Variants in FER observed in about 807,000 individuals in gnomAD.
FER encodes tyrosine-protein kinase Fer.
FER carries 63 observed loss-of-function variants against 111.0 expected under a neutral mutation model. That is an observed-to-expected ratio of 0.57 (90% CI 0.46 to 0.70). The LOEUF (loss-of-function observed/expected upper bound fraction) is 0.70. FER is among the 30% of genes least tolerant of loss of function. The probability of loss-of-function intolerance (pLI) is 0.00; values close to 1 mark genes in which losing one functional copy is unlikely to be tolerated. For synonymous variants in FER, 327 were observed against 313.9 expected, an observed-to-expected ratio of 1.04 and a Z score of -0.44; for missense variants, 914 against 954.0, an observed-to-expected ratio of 0.96 and a Z score of 0.55.
chr5:108,811,427 T>G (rs931535157), intron 3 of FER, among the ~76,000 whole-genome samples: 1 of 152,256 alleles, frequency 6.6e-6, no homozygotes, highest in African/African-American at 2.4e-5. Context: ...GTTGAATGTT[T>G]AAAAATTCAT....
At chr5:108,932,651 G>C (rs187757985) in intron 10 of FER, among the ~76,000 whole-genome samples, 97 of 152,230 alleles carry the variant, frequency 6.4e-4, no homozygotes, top group Non-Finnish European at 7.8e-4. Context: ...GTGGAGAAAC[G>C]TGTTCCTGTT....
intron 16 of FER, among the ~76,000 whole-genome samples, chr5:109,071,028 T>C (rs1182569385): frequency 2.6e-5 from 4 of 152,102 alleles, no homozygotes; most frequent in African/African-American, 7.2e-5. Context: ...TTTTCTATAA[T>C]TGTGAATGTT....
chr5:108,944,380 C>A (rs931289800), intron 10 of FER, among the ~76,000 whole-genome samples: 1 of 152,062 alleles, frequency 6.6e-6, no homozygotes, highest in African/African-American at 2.4e-5. Flanking sequence ...AGGGGCCATC[C>A]TTTTGCCAGA....
At chr5:108,861,808 T>A (rs1763550697) in intron 5 of FER, among the ~76,000 whole-genome samples, 1 of 152,178 alleles carries the variant, frequency 6.6e-6, no homozygotes, top group Admixed American at 6.5e-5. Flanking sequence ...ATTTGTAACA[T>A]TGGTTTTTAT....
At chr5:108,884,717 C>A (rs930916285) in intron 9 of FER, among the ~76,000 whole-genome samples, 5 of 151,878 alleles carry the variant, frequency 3.3e-5, no homozygotes, top group African/African-American at 7.2e-5. Flanking sequence ...CATATTTTTT[C>A]CCACGTACTA....
At chr5:108,932,108 G>A (rs1754768381) in intron 10 of FER, among the ~76,000 whole-genome samples, 1 of 151,918 alleles carries the variant, frequency 6.6e-6, no homozygotes, top group Admixed American at 6.6e-5. Flanking sequence ...TGCCATGGTG[G>A]TTTGCTGCAC....
intron 10 of FER, among the ~76,000 whole-genome samples, chr5:108,913,132 A>G (rs1417321265): frequency 6.6e-6 from 1 of 152,200 alleles, no homozygotes; most frequent in Non-Finnish European, 1.5e-5. Flanking sequence ...ATATCCACAA[A>G]TGGTTTCATT....
intron 5 of FER, among the ~76,000 whole-genome samples, chr5:108,858,506 G>A (rs1365409538): frequency 6.6e-6 from 1 of 151,978 alleles, no homozygotes; most frequent in African/African-American, 2.4e-5. Flanking sequence ...AATACAGTTT[G>A]GTTCATTTGT....
At chr5:108,924,840 A>AT in intron 10 of FER, 1 of 1,198,736 alleles carries the variant, frequency 8.3e-7, no homozygotes, top group Non-Finnish European at 1.0e-6. Context: ...CCCAGACATT[A>AT]TCTAAGAGTC....
intron 17 of FER, among the ~76,000 whole-genome samples, chr5:109,147,172 T>C (rs1657789253): frequency 6.6e-6 from 1 of 151,334 alleles, no homozygotes; most frequent in Non-Finnish European, 1.5e-5. Context: ...ATACAAAAAA[T>C]TAACATTTAA....
At chr5:109,131,638 G>C (rs1358145782) in intron 17 of FER, among the ~76,000 whole-genome samples, 1 of 151,594 alleles carries the variant, frequency 6.6e-6, no homozygotes, top group East Asian at 1.9e-4. Flanking sequence ...TATTTTTTGG[G>C]TGTGTGAGAT....
intron 10 of FER, among the ~76,000 whole-genome samples, chr5:108,932,409 T>G (rs939003043): frequency 6.6e-6 from 1 of 152,226 alleles, no homozygotes; most frequent in Middle Eastern, 3.2e-3. Flanking sequence ...ATTTTCTTTA[T>G]CCAGCCTATC....
intron 1 of FER, among the ~76,000 whole-genome samples, chr5:108,751,478 C>G (rs946437538): frequency 6.6e-6 from 1 of 151,968 alleles, no homozygotes; most frequent in Non-Finnish European, 1.5e-5. Flanking sequence ...ACTTGTTATA[C>G]AAAAAAACGT....
chr5:109,016,405 T>C (rs1291561788), intron 13 of FER, among the ~76,000 whole-genome samples: 2 of 152,034 alleles, frequency 1.3e-5, no homozygotes, highest in African/African-American at 2.4e-5. Flanking sequence ...ATTTGGACTT[T>C]TGTTGAATAT....
At chr5:108,896,298 A>G (rs993230446) in intron 9 of FER, among the ~76,000 whole-genome samples, 2 of 152,136 alleles carry the variant, frequency 1.3e-5, no homozygotes, top group African/African-American at 4.8e-5. Context: ...TAAAAAATCA[A>G]CTTTCTTTCA....
chr5:108,915,676 G>C (rs1332235600), intron 10 of FER, among the ~76,000 whole-genome samples: 3 of 141,642 alleles, frequency 2.1e-5, no homozygotes, highest in African/African-American at 7.9e-5. Context: ...CCAGTTTTTT[G>C]TTGCTAAGGC....
chr5:109,033,823 CTT>C (rs942584335), intron 13 of FER, among the ~76,000 whole-genome samples: 1 of 151,876 alleles, frequency 6.6e-6, no homozygotes, highest in African/African-American at 2.4e-5. Flanking sequence ...AGTCACATGT[CTT>C]TTTTTATTAT....
intron 9 of FER, among the ~76,000 whole-genome samples, chr5:108,891,065 A>C (rs1176182630): frequency 6.6e-6 from 1 of 152,138 alleles, no homozygotes; most frequent in African/African-American, 2.4e-5. Context: ...TATTTGAGCC[A>C]TTCTAAAAGA....
intron 17 of FER, among the ~76,000 whole-genome samples, chr5:109,151,093 ATTG>A (rs1472988808): frequency 1.3e-5 from 2 of 152,140 alleles, no homozygotes; most frequent in East Asian, 1.9e-4. Flanking sequence ...TGAACAGAAA[ATTG>A]TTGTAATTCG....
Sources: allele counts gnomAD v4.1 joint callset (sites outside exome capture counted in the v4.1 genomes callset), GRCh38; gene constraint gnomAD v4.1.1; transcripts MANE v1.5; gene names NCBI Gene and HGNC (gene_info 2026-07-23, HGNC 2026-07-21).